ZNF143: variants seen among roughly 807,000 people sequenced by gnomAD.
The protein encoded by ZNF143 is zinc finger protein 143.
In ZNF143, 49 loss-of-function variants were observed where a neutral mutation model predicts 74.1. The observed-to-expected ratio is 0.66, with a 90% CI of 0.53 to 0.84. ZNF143 has a LOEUF of 0.84. Ranked by LOEUF, ZNF143 falls within the 40% of genes least tolerant of loss-of-function variation. The pLI is 0.00. For synonymous variants in ZNF143, 304 were observed against 282.8 expected, an observed-to-expected ratio of 1.07 and a Z score of -0.75; for missense variants, 637 against 793.4, an observed-to-expected ratio of 0.80 and a Z score of 2.37.
chr11:9,526,777 C>T (rs1849143925), intron 15 of ZNF143, among the ~76,000 whole-genome samples: 1 of 152,094 alleles, frequency 6.6e-6, no homozygotes, highest in South Asian at 2.1e-4. Flanking sequence ...AAGTAAATTG[C>T]AGGCCAGGCA....
chr11:9,501,036 T>A, intron 10 of ZNF143, 55 bp from the exon 11 acceptor site: 1 of 1,595,438 alleles, frequency 6.3e-7, no homozygotes, highest in Non-Finnish European at 8.6e-7. Context: ...GATAAGACAT[T>A]TTAATCCTCT....
Position 9,494,741 on chromosome 11 carries a change from A to G in ZNF143, c.741A>G (p.Leu247=), listed in dbSNP as rs1245138179. The G allele has an allele frequency of 3.1e-6, 5 of 1,611,814 alleles. No individual in the cohort carries two copies. In the East Asian group the frequency reaches 6.7e-5, roughly 22 times the overall value. The stretch of plus-strand genomic sequence containing the variant: ...GTGAATATGATGGATGTGGAAAATT[A>G]TATACAACAGCTCATCATCTCAAGG... ...FRCEYDGCGK[L]YTTAHHLKVH... Residue 247 remains leucine, a synonymous_variant, in exon 8 of 16, where the codon TTA becomes TTG. Transcript: ENST00000396602.
chr11:9,497,539 C>A, intron 9 of ZNF143, 136 bp from the exon 10 acceptor site: 1 of 675,340 alleles, frequency 1.5e-6, no homozygotes, highest in Non-Finnish European at 2.3e-6. Context: ...CCCTTTTGTA[C>A]ATTTTAAATA....
chr11:9,515,022 G>A (rs1260301638), intron 13 of ZNF143, among the ~76,000 whole-genome samples: 1 of 152,114 alleles, frequency 6.6e-6, no homozygotes. Flanking sequence ...CAGCTACTCG[G>A]GAGGCTGAGG....
At chr11:9,521,222 G>A (rs1344293305) in intron 14 of ZNF143, among the ~76,000 whole-genome samples, 1 of 152,164 alleles carries the variant, frequency 6.6e-6, no homozygotes, top group Admixed American at 6.5e-5. Flanking sequence ...TTGGACAAAC[G>A]TATGATGACA....
rs568581149 is a variant in ZNF143 at position 9,508,502 on chromosome 11, G to A, written c.1148-117G>A. On this transcript the variant is annotated intron_variant, in intron 11 of 15. Coordinates refer to ENST00000396602, the MANE Select transcript of ZNF143 (RefSeq NM_003442.6). ...CTTGTGTGCTGCCTCATGGTGGGAT[G>A]AGGAGGGGTTTGGCAATTCTTTATT... 18 of 845,516 alleles carry A rather than the reference G, an allele frequency of 2.1e-5. No homozygotes were observed. The African/African-American group carries it at 2.4e-4, about 11-fold the overall frequency. The allele number at this position is 845,516 out of a possible 1,614,324, so 52.4% of individuals were successfully genotyped here. A position where few individuals can be genotyped will look rare whatever the true frequency, so the allele number is the denominator to read the frequency against.
chr11:9,523,740 T>A (rs940907296), intron 14 of ZNF143, among the ~76,000 whole-genome samples: 1 of 148,610 alleles, frequency 6.7e-6, no homozygotes, highest in Non-Finnish European at 1.5e-5. Context: ...TCTCAAAAAA[T>A]ATATAATAAT....
At chr11:9,499,613 G>A (rs1848085649) in intron 10 of ZNF143, among the ~76,000 whole-genome samples, 1 of 152,210 alleles carries the variant, frequency 6.6e-6, no homozygotes, top group South Asian at 2.1e-4. Context: ...GCTGAGGTGT[G>A]AGGATTGCTT....
intron 1 of ZNF143, among the ~76,000 whole-genome samples, chr11:9,464,598 C>CTCAA (rs374529221): frequency 6.2e-4 from 94 of 151,660 alleles, no homozygotes; most frequent in Non-Finnish European, 7.7e-4. Context: ...AAGACCCTGT[C>CTCAA]TCAATCAATC....
At chr11:9,475,072 A>C (rs113809910) in intron 5 of ZNF143, among the ~76,000 whole-genome samples, 5,162 of 151,990 alleles carry the variant, frequency 0.034, 271 homozygotes, top group African/African-American at 0.11. Context: ...TTTTTTGTAG[A>C]GACAGGGTCT....
intron 5 of ZNF143, among the ~76,000 whole-genome samples, chr11:9,478,000 G>C (rs1246068659): frequency 6.6e-6 from 1 of 152,030 alleles, no homozygotes; most frequent in African/African-American, 2.4e-5. Context: ...TAAGTTTTTT[G>C]TATTTTTAGT....
At chr11:9,485,791 G>A (rs980335240) in intron 7 of ZNF143, among the ~76,000 whole-genome samples, 1 of 151,408 alleles carries the variant, frequency 6.6e-6, no homozygotes, top group Non-Finnish European at 1.5e-5. Flanking sequence ...CCTCCCCCAA[G>A]AATATAGATT....
At chr11:9,484,538 T>C (rs1847380185) in intron 7 of ZNF143, among the ~76,000 whole-genome samples, 1 of 150,646 alleles carries the variant, frequency 6.6e-6, no homozygotes. Flanking sequence ...TCTAAGTCTC[T>C]TTTTTTCTAC....
In ZNF143 at chr11:9,472,746, C is replaced by A. The variant is rs748694947; in HGVS notation, c.182C>A (p.Ala61Asp). ...GTAACACTTGCAGATGGTTCTACTG[C>A]TTACATACAACACAATTCTAAAGGT... The part of the protein sequence containing the change: ...QAVTLADGST[A>D]YIQHNSKDAK... Residue 61 changes from alanine to aspartate, a missense_variant, in exon 3 of 16, where the codon GCT (alanine) becomes GAT (aspartate). Coordinates refer to ENST00000396602, the MANE Select transcript of ZNF143 (RefSeq NM_003442.6). 2.5e-6 allele frequency: 4 copies of A among 1,593,002 alleles called. No individual in the cohort carries two copies. Among genetic ancestry groups the A allele is most frequent in the Non-Finnish European group, 3.4e-6 (4 of 1,172,658 alleles).
rs113075250 is a variant in ZNF143, at chr11:9,480,465, A to G, written c.645+919A>G. 1.8e-4 allele frequency among the ~76,000 whole-genome samples: 28 copies of G among 152,264 alleles called. 1 individual carries two copies. The highest frequency in any genetic ancestry group is 6.3e-4 in the African/African-American group (26 of 41,546). ...AAAGTTACTACTCAGGGTCACATTT[A>G]TAACCTTGAGCATTAACATGACCAC... On this transcript the variant is annotated intron_variant, in intron 7 of 15. Coordinates refer to ENST00000396602, the MANE Select transcript of ZNF143 (RefSeq NM_003442.6).
chr11:9,489,270 T>C (rs1847678227), intron 7 of ZNF143, among the ~76,000 whole-genome samples: 1 of 152,182 alleles, frequency 6.6e-6, no homozygotes, highest in Admixed American at 6.5e-5. Context: ...ATAATTCTCT[T>C]AGCATGCCAA....
In ZNF143 at chr11:9,461,369, G is replaced by T. The variant is rs1442119436; in HGVS notation, c.-8+293G>T. Among the ~76,000 whole-genome samples, 5 of 152,192 alleles carry T rather than the reference G, an allele frequency of 3.3e-5. No individual in the cohort carries two copies. In the East Asian group the frequency reaches 9.6e-4, roughly 29 times the overall value. On this transcript the variant is annotated intron_variant, in intron 1 of 15. Transcript: ENST00000396602. Reference sequence around the variant, plus strand: ...CCCCGCCTGTTTCCCTCAGGGGACCGCCAAGGGGAGGGAGTGAAAGAGGGG... The same window carrying T: ...CCCCGCCTGTTTCCCTCAGGGGACCTCCAAGGGGAGGGAGTGAAAGAGGGG...
At chr11:9,473,713 C>G (rs541447451) in intron 3 of ZNF143, 13 of 1,398,300 alleles carry the variant, frequency 9.3e-6, no homozygotes, top group African/African-American at 1.4e-5. Flanking sequence ...TCCTCTTGAC[C>G]TCATCTAATT....
At chr11:9,478,349 T>C in intron 5 of ZNF143, 41 bp from the exon 6 acceptor site, 1 of 1,586,420 alleles carries the variant, frequency 6.3e-7, no homozygotes, top group Non-Finnish European at 8.6e-7. Flanking sequence ...ATTTGTCAGA[T>C]TTTACCTTTA....
Sources: gnomAD v4.1 joint callset for allele counts (sites outside exome capture counted in the v4.1 genomes callset) on GRCh38, gnomAD v4.1.1 for gene constraint, MANE v1.5 for transcripts, NCBI Gene and HGNC (gene_info 2026-07-23, HGNC 2026-07-21) for gene names.